The following SDK1 variants were observed in gnomAD, a reference collection of about 807,000 sequenced individuals.
SDK1 encodes sidekick cell adhesion molecule 1.
A neutral mutation model predicts 245.5 loss-of-function variants in SDK1; 157 were observed. The ratio of observed to expected loss-of-function variants is 0.64; its 90% CI spans 0.56 to 0.73. SDK1 has a LOEUF of 0.73. Among genes scored for constraint, SDK1 ranks in the 30% least tolerant of loss-of-function variants. The probability of loss-of-function intolerance (pLI) is 0.00; values close to 1 mark genes in which losing one functional copy is unlikely to be tolerated. For synonymous variants in SDK1, 1,647 were observed against 1,278.5 expected (o/e 1.29, Z -6.15); for missense variants, 3,583 against 3,002.3 (o/e 1.19, Z -4.52).
At chr7:4,167,823 C>G (rs988572034) in intron 32 of SDK1, among the ~76,000 whole-genome samples, 1 of 152,214 alleles carries the variant, frequency 6.6e-6, no homozygotes, top group African/African-American at 2.4e-5. Context: ...GGCCATCTGG[C>G]CAGACTTCTG....
intron 5 of SDK1, among the ~76,000 whole-genome samples, chr7:3,891,912 G>C (rs541748210): frequency 2.7e-4 from 41 of 152,154 alleles, no homozygotes; most frequent in Non-Finnish European, 4.7e-4. Flanking sequence ...AGGAGGCAAG[G>C]TGCATTTTTT....
chr7:4,265,641 T>C lies in SDK1; in HGVS notation c.*257T>C. ...TTTAAGAGAAGGTGTATTTCACTGG[T>C]GCAATGGCTTGGCACCTCCGGGGCC... On this transcript the variant is annotated 3_prime_UTR_variant, in exon 45 of 45. Transcript: ENST00000404826. 7.8e-7 allele frequency: 1 copy of C among 1,279,964 alleles called. No homozygotes were observed. Among genetic ancestry groups the C allele is most frequent in the Non-Finnish European group, 9.8e-7 (1 of 1,018,920 alleles). The allele number at this position is 1,279,964 out of a possible 1,614,324, so 79.3% of individuals were successfully genotyped here. A position where few individuals can be genotyped will look rare whatever the true frequency, so the allele number is the denominator to read the frequency against.
At chr7:3,830,369 C>T (rs1779883837) in intron 5 of SDK1, among the ~76,000 whole-genome samples, 1 of 152,224 alleles carries the variant, frequency 6.6e-6, no homozygotes, top group Non-Finnish European at 1.5e-5. Context: ...TTCCTCCAAT[C>T]TACCTTCCCT....
At chr7:3,910,833 T>A (rs1007198736) in intron 5 of SDK1, among the ~76,000 whole-genome samples, 1 of 152,212 alleles carries the variant, frequency 6.6e-6, no homozygotes, top group African/African-American at 2.4e-5. Context: ...ATTATTCAGA[T>A]TGTTAAATCC....
intron 4 of SDK1, among the ~76,000 whole-genome samples, chr7:3,656,129 T>C (rs1253073944): frequency 6.6e-6 from 1 of 152,146 alleles, no homozygotes; most frequent in African/African-American, 2.4e-5. Flanking sequence ...ATGTTTTAGG[T>C]AGTTTTTGCA....
intron 4 of SDK1, among the ~76,000 whole-genome samples, chr7:3,670,091 C>T (rs773310029): frequency 6.6e-6 from 1 of 152,188 alleles, no homozygotes; most frequent in African/African-American, 2.4e-5. Flanking sequence ...CATTCCTGAC[C>T]AAACTCTTGC....
intron 4 of SDK1, among the ~76,000 whole-genome samples, chr7:3,700,917 C>T (rs972536926): frequency 6.6e-6 from 1 of 152,030 alleles, no homozygotes; most frequent in Non-Finnish European, 1.5e-5. Flanking sequence ...AACCCATTCT[C>T]TTAGTTTTTC....
intron 38 of SDK1, among the ~76,000 whole-genome samples, chr7:4,218,187 T>C (rs1784937406): frequency 6.6e-6 from 1 of 152,126 alleles, no homozygotes; most frequent in South Asian, 2.1e-4. Flanking sequence ...GCAGATCACT[T>C]GAGGTCAGGA....
intron 5 of SDK1, among the ~76,000 whole-genome samples, chr7:3,836,894 C>T (rs929202366): frequency 6.6e-6 from 1 of 152,126 alleles, no homozygotes; most frequent in Non-Finnish European, 1.5e-5. Context: ...GTTGGTGTCT[C>T]GTTGGGGCCT....
chr7:3,503,845 A>C lies in SDK1; in HGVS notation c.299-115235A>C, dbSNP rs566959610. On this transcript the variant is annotated intron_variant, in intron 1 of 44. Coordinates refer to ENST00000404826, the MANE Select transcript of SDK1 (RefSeq NM_152744.4). ...GATGTGTTTATGGATTGGAAGACTTAATAATGTTAAAATATGTAGATAAAG... is the reference window on the plus strand; with the variant it reads ...GATGTGTTTATGGATTGGAAGACTTCATAATGTTAAAATATGTAGATAAAG... Among the ~76,000 whole-genome samples, 4 of 152,122 alleles carry C rather than the reference A, an allele frequency of 2.6e-5. No individual in the cohort carries two copies. The East Asian group carries it at 5.8e-4, about 22-fold the overall frequency.
chr7:3,363,360 A>G (rs1208251674), intron 1 of SDK1, among the ~76,000 whole-genome samples: 8 of 151,562 alleles, frequency 5.3e-5, no homozygotes, highest in African/African-American at 1.5e-4. Flanking sequence ...TTGTTTAACC[A>G]TTCACCTATT....
At chr7:3,703,108 T>G (rs1211364132) in intron 4 of SDK1, among the ~76,000 whole-genome samples, 3 of 150,222 alleles carry the variant, frequency 2.0e-5, no homozygotes, top group African/African-American at 7.3e-5. Flanking sequence ...GACTTAGTTC[T>G]CCTGAACGTT....
chr7:3,695,350 G>A (rs1042109041), intron 4 of SDK1, among the ~76,000 whole-genome samples: 1 of 152,144 alleles, frequency 6.6e-6, no homozygotes, highest in Non-Finnish European at 1.5e-5. Context: ...GCTCATCGTA[G>A]TATACAAGTG....
intron 5 of SDK1, among the ~76,000 whole-genome samples, chr7:3,828,213 G>A: frequency 6.6e-6 from 1 of 151,936 alleles, no homozygotes. Flanking sequence ...GGGAAGTGAA[G>A]GCTGCAGTGA....
intron 1 of SDK1, among the ~76,000 whole-genome samples, chr7:3,498,465 G>A (rs1782091666): frequency 6.6e-6 from 1 of 152,058 alleles, no homozygotes; most frequent in Admixed American, 6.6e-5. Context: ...TGCATTTTTG[G>A]GAGTATTAAA....
At chr7:3,420,895 G>T (rs1336171059) in intron 1 of SDK1, among the ~76,000 whole-genome samples, 2 of 152,092 alleles carry the variant, frequency 1.3e-5, no homozygotes, top group African/African-American at 4.8e-5. Context: ...TTATCCTGAT[G>T]CTCTCTGTCC....
At chr7:3,830,368 T>C (rs1215251321) in intron 5 of SDK1, among the ~76,000 whole-genome samples, 4 of 152,224 alleles carry the variant, frequency 2.6e-5, no homozygotes, top group Non-Finnish European at 4.4e-5. Flanking sequence ...ATTCCTCCAA[T>C]CTACCTTCCC....
chr7:3,302,558 G>C (rs1254619090), intron 1 of SDK1: 1 of 152,018 alleles, frequency 6.6e-6, no homozygotes, highest in Non-Finnish European at 1.5e-5. Context: ...TTTGAAACGA[G>C]AGATGGGATC....
chr7:3,593,646 T>C (rs1227882130), intron 1 of SDK1, among the ~76,000 whole-genome samples: 1 of 152,184 alleles, frequency 6.6e-6, no homozygotes, highest in African/African-American at 2.4e-5. Flanking sequence ...AGAATGTATA[T>C]GCAAGCTTCA....
Sources: gnomAD v4.1 joint callset for allele counts (sites outside exome capture counted in the v4.1 genomes callset) on GRCh38, gnomAD v4.1.1 for gene constraint, MANE v1.5 for transcripts, NCBI Gene and HGNC (gene_info 2026-07-23, HGNC 2026-07-21) for gene names.